CCL3: variants seen among roughly 807,000 people sequenced by gnomAD.
The protein encoded by CCL3 is C-C motif chemokine 3.
Under a neutral mutation model 8.1 loss-of-function variants are expected in CCL3, and 6 were observed. The observed-to-expected ratio is 0.74, with a 90% CI of 0.41 to 1.46. The LOEUF (loss-of-function observed/expected upper bound fraction) is 1.46. Among genes scored for constraint, CCL3 ranks in the 40% most tolerant of loss-of-function variants. The pLI is 0.02. For synonymous variants in CCL3, 45 were observed against 45.1 expected, an observed-to-expected ratio of 1.00 and a Z score of 0.01; for missense variants, 109 against 117.7, an observed-to-expected ratio of 0.93 and a Z score of 0.34.
At chr17:36,089,936 T>C in intron 1 of CCL3, 50 bp downstream of exon 1, 1 of 1,539,912 alleles carries the variant, frequency 6.5e-7, no homozygotes, top group Non-Finnish European at 9.0e-7. Context: ...ATTGATGTGG[T>C]CTAACCATGG....
rs1469016731 is a variant in CCL3 at position 36,088,819 on chromosome 17, C to A, written c.189-57G>T. The A allele has an allele frequency of 1.9e-6, 3 of 1,599,050 alleles. No homozygotes were observed. The African/African-American group carries it at 4.0e-5, about 21-fold the overall frequency. Reference sequence around the variant, plus strand: ...GGGAATCCAGCAGGGGAATCCTGGGCCCACCATGGCCCCACCATTCTGCTC... The same window carrying A: ...GGGAATCCAGCAGGGGAATCCTGGGACCACCATGGCCCCACCATTCTGCTC... On this transcript the variant is annotated intron_variant, in intron 2 of 2. Coordinates refer to ENST00000613922, the MANE Select transcript of CCL3 (RefSeq NM_002983.3).
At position 36,088,554 on chromosome 17, in the gene CCL3, A is replaced by G; in HGVS notation, c.*118T>C. 3.7e-6 allele frequency: 4 copies of G among 1,080,046 alleles called. No homozygotes were observed. Among genetic ancestry groups the G allele is most frequent in the Non-Finnish European group, 5.7e-6 (4 of 703,914 alleles). The allele number at this position is 1,080,046 out of a possible 1,614,324, so 66.9% of individuals were successfully genotyped here. A position where few individuals can be genotyped will look rare whatever the true frequency, so the allele number is the denominator to read the frequency against. ...AGTCCCACAGTGTGGCTGTTTGGCAACAACCAGTCCATAGAAGAGGTAGCT... is the reference window on the plus strand; with the variant it reads ...AGTCCCACAGTGTGGCTGTTTGGCAGCAACCAGTCCATAGAAGAGGTAGCT... On this transcript the variant is annotated 3_prime_UTR_variant, in exon 3 of 3. Transcript: ENST00000613922.
intron 1 of CCL3, 67 bp downstream of exon 1, chr17:36,089,919 A>G (rs1598813396): frequency 5.4e-6 from 8 of 1,469,248 alleles, no homozygotes; most frequent in African/African-American, 1.4e-5. Flanking sequence ...TTAGGCCACA[A>G]GAAAAGATTG....
chr17:36,089,201 C>A lies in CCL3; in HGVS notation c.170G>T (p.Cys57Phe). The change falls in exon 2 of 3, where the codon TGC becomes TTC. Residue 57 changes from cysteine (C) to phenylalanine (F), a missense_variant. Transcript: ENST00000613922. ...CACTTACATGACACCGGGCTTGGAG[C>A]ACTGGCTGCTCGTCTCAAAGTAGTC... Reference protein sequence around the residue: ...IADYFETSSQCSKPGVIFLTK... With the variant: ...IADYFETSSQFSKPGVIFLTK... 6.2e-7 allele frequency: 1 copy of A among 1,613,994 alleles called. No homozygotes were observed.
intron 1 of CCL3, 174 bp from the exon 2 acceptor site, chr17:36,089,471 C>T (rs1228663962): frequency 1.4e-6 from 1 of 702,014 alleles, no homozygotes; most frequent in African/African-American, 1.8e-5. Flanking sequence ...CCTTCTTTCT[C>T]CTTGACTCTT....
At chr17:36,089,610 T>G in intron 1 of CCL3, 1 of 609,700 alleles carries the variant, frequency 1.6e-6, no homozygotes, top group Non-Finnish European at 2.9e-6. Flanking sequence ...GCCTTGGACA[T>G]CTCTCATAAG....
Position 36,088,749 on chromosome 17 carries a change from G to C in CCL3, c.202C>G (p.Arg68Gly). Residue 68 changes from arginine to glycine, a missense_variant, in exon 3 of 3, where the codon CGA becomes GGA. Transcript: ENST00000613922. ...SKPGVIFLTK[R>G]SRQVCADPSE... Reference sequence around the variant, plus strand: ...GGGTCAGCACAGACCTGCCGGCTTCGCTTGGTTAGGAAGCTGTGGAGAAGG... The same window carrying C: ...GGGTCAGCACAGACCTGCCGGCTTCCCTTGGTTAGGAAGCTGTGGAGAAGG... 3 of 1,613,914 alleles carry C rather than the reference G, an allele frequency of 1.9e-6. No individual in the cohort carries two copies. Among genetic ancestry groups the C allele is most frequent in the Non-Finnish European group, 2.5e-6 (3 of 1,179,876 alleles).
Position 36,088,655 on chromosome 17 carries a change from C to T in CCL3, c.*17G>A, listed in dbSNP as rs758981861. 2.0e-5 allele frequency: 33 copies of T among 1,612,750 alleles called. No homozygotes were observed. Among genetic ancestry groups the T allele is most frequent in the South Asian group, 4.4e-5 (4 of 91,028 alleles). Reference sequence around the variant, plus strand: ...TGGGCCCACCGAGGTCGCTGGGCCTCGAAGCTTCTGGACCCCTCAGGCACT... The same window carrying T: ...TGGGCCCACCGAGGTCGCTGGGCCTTGAAGCTTCTGGACCCCTCAGGCACT... On this transcript the variant is annotated 3_prime_UTR_variant, in exon 3 of 3. Transcript: ENST00000613922.
chr17:36,089,763 C>A (rs1295394424), intron 1 of CCL3: 1 of 715,534 alleles, frequency 1.4e-6, no homozygotes, highest in African/African-American at 1.7e-5. Context: ...GTAAAAGGGA[C>A]TGTAACTCCC....
chr17:36,088,445 C>T lies in CCL3; in HGVS notation c.*227G>A, dbSNP rs2067006112. On this transcript the variant is annotated 3_prime_UTR_variant, in exon 3 of 3. Transcript: ENST00000613922. The stretch of plus-strand genomic sequence containing the variant: ...GGAGGGGACAGGGGAACTCTCAGAG[C>T]AAACAATCACAAACACACTGTGAAA... The T allele has an allele frequency of 3.6e-6, 2 of 562,756 alleles. No homozygotes were observed. The highest frequency in any genetic ancestry group is 6.3e-6 in the Non-Finnish European group (2 of 315,204). The allele number at this position is 562,756 out of a possible 1,614,324, so 34.9% of individuals were successfully genotyped here.
At position 36,088,779 on chromosome 17, in the gene CCL3, A is replaced by G. The variant is rs1813155028; in HGVS notation, c.189-17T>C. The G allele has an allele frequency of 6.2e-7, 1 of 1,613,564 alleles. No homozygotes were observed. Among genetic ancestry groups the G allele is most frequent in the Admixed American group, 1.7e-5 (1 of 59,992 alleles). ...GTTAGGAAGCTGTGGAGAAGGGAGGAAGAGTTAAGCACTGGGGAATCCAGC... is the reference window on the plus strand; with the variant it reads ...GTTAGGAAGCTGTGGAGAAGGGAGGGAGAGTTAAGCACTGGGGAATCCAGC... On this transcript the variant is annotated splice_polypyrimidine_tract_variant and intron_variant, in intron 2 of 2. Coordinates refer to ENST00000613922, the MANE Select transcript of CCL3 (RefSeq NM_002983.3).
intron 1 of CCL3, chr17:36,089,782 G>T (rs2067027222): frequency 4.2e-6 from 3 of 722,310 alleles, no homozygotes; most frequent in Non-Finnish European, 7.7e-6. Context: ...CCCTGCCCCT[G>T]CCTAGATTCT....
At chr17:36,089,550 C>T (rs1239974644) in intron 1 of CCL3, 1 of 613,478 alleles carries the variant, frequency 1.6e-6, no homozygotes, top group Non-Finnish European at 2.9e-6. Flanking sequence ...TCTCAGTTCT[C>T]TTCAGGGAAT....
At position 36,088,738 on chromosome 17, in the gene CCL3, C is replaced by G; in HGVS notation, c.213G>C (p.Gln71His). Residue 71 changes from glutamine (Q) to histidine (H), a missense_variant, in exon 3 of 3, where the codon CAG becomes CAC. Coordinates refer to ENST00000613922, the MANE Select transcript of CCL3 (RefSeq NM_002983.3). ...ACTCCTCACTGGGGTCAGCACAGAC[C>G]TGCCGGCTTCGCTTGGTTAGGAAGC... ...GVIFLTKRSRQVCADPSEEWV... is the reference protein window; with the variant it reads ...GVIFLTKRSRHVCADPSEEWV... The G allele has an allele frequency of 3.7e-6, 6 of 1,613,920 alleles. No individual in the cohort carries two copies. Among genetic ancestry groups the G allele is most frequent in the Non-Finnish European group, 5.1e-6 (6 of 1,179,878 alleles).
At chr17:36,089,434 G>C in intron 1 of CCL3, 137 bp from the exon 2 acceptor site, 1 of 945,116 alleles carries the variant, frequency 1.1e-6, no homozygotes, top group South Asian at 1.4e-5. Flanking sequence ...TTTTTGCTGA[G>C]AAATGTCTCT....
rs557795937 is a variant in CCL3 at position 36,088,883 on chromosome 17, G to C, written c.189-121C>G. 1.2e-3 allele frequency: 1,708 copies of C among 1,369,976 alleles called. 33 individuals carry two copies. In the South Asian group the frequency reaches 0.018, roughly 15 times the overall value. The allele number at this position is 1,369,976 out of a possible 1,614,324, so 84.9% of individuals were successfully genotyped here. On this transcript the variant is annotated intron_variant, in intron 2 of 2. Transcript: ENST00000613922. ...GCTCAGGGCTTGCTCCTCTTTCAGG[G>C]GCCCCCTGCCTATCTCTGTCTAGAG...
intron 1 of CCL3, 86 bp from the exon 2 acceptor site, chr17:36,089,383 G>T: frequency 6.4e-7 from 1 of 1,560,682 alleles, no homozygotes; most frequent in South Asian, 1.1e-5. Context: ...GTTGAGGAAG[G>T]CAGGCTTGCT....
chr17:36,089,930 A>G, intron 1 of CCL3, 56 bp downstream of exon 1: 1 of 1,503,504 alleles, frequency 6.7e-7, no homozygotes, highest in Non-Finnish European at 9.3e-7. Context: ...GAAAAGATTG[A>G]TGTGGTCTAA....
rs1179162334 is a variant in CCL3, at chr17:36,089,612, T to C, written c.74-315A>G. The C allele has an allele frequency of 4.9e-6, 3 of 610,186 alleles. No homozygotes were observed. The East Asian group carries it at 9.0e-5, about 18-fold the overall frequency. The allele number at this position is 610,186 out of a possible 1,614,324, so 37.8% of individuals were successfully genotyped here. On this transcript the variant is annotated intron_variant, in intron 1 of 2. Transcript: ENST00000613922. ...CAACCCAAGAGAAGCCTTGGACATCTCTCATAAGACATCCAAGGGACAGAG... is the reference window on the plus strand; with the variant it reads ...CAACCCAAGAGAAGCCTTGGACATCCCTCATAAGACATCCAAGGGACAGAG...
Sources: gnomAD v4.1 joint callset for allele counts on GRCh38, gnomAD v4.1.1 for gene constraint, MANE v1.5 for transcripts, NCBI Gene and HGNC (gene_info 2026-07-23, HGNC 2026-07-21) for gene names.